PBX1: variants seen among roughly 807,000 people sequenced by gnomAD.
PBX1 encodes pre-B-cell leukemia transcription factor 1.
PBX1 carries 6 observed loss-of-function variants against 53.4 expected under a neutral mutation model. The ratio of observed to expected loss-of-function variants is 0.11; its 90% CI spans 0.06 to 0.22. The LOEUF is 0.22. Ranked by LOEUF, PBX1 falls within the 10% of genes least tolerant of loss-of-function variation. The probability of loss-of-function intolerance (pLI) is 1.00; values close to 1 mark genes in which losing one functional copy is unlikely to be tolerated. For missense variants in PBX1, 251 were observed against 551.4 expected (o/e 0.46, Z 5.46); for synonymous variants, 204 against 212.3 (o/e 0.96, Z 0.34).
At chr1:164,690,739 A>T (rs1662420726) in intron 2 of PBX1, among the ~76,000 whole-genome samples, 1 of 152,144 alleles carries the variant, frequency 6.6e-6, no homozygotes, top group Non-Finnish European at 1.5e-5. Flanking sequence ...AATATTCAGT[A>T]TATGTTAACC....
At chr1:164,658,855 T>G (rs1660324316) in intron 2 of PBX1, among the ~76,000 whole-genome samples, 1 of 152,240 alleles carries the variant, frequency 6.6e-6, no homozygotes, top group Non-Finnish European at 1.5e-5. Context: ...AGGTAGAGGC[T>G]CTTATTATCC....
chr1:164,566,167 G>A (rs925318717), intron 2 of PBX1, among the ~76,000 whole-genome samples: 8 of 152,104 alleles, frequency 5.3e-5, no homozygotes, highest in African/African-American at 9.7e-5. Context: ...ATACACACAT[G>A]CACGTAACAC....
intron 2 of PBX1, among the ~76,000 whole-genome samples, chr1:164,676,444 C>T (rs1269395400): frequency 6.6e-6 from 1 of 152,052 alleles, no homozygotes; most frequent in African/African-American, 2.4e-5. Context: ...AAGGCAAGGC[C>T]GAGAGGCAGG....
chr1:164,732,079 C>T (rs12031116), intron 2 of PBX1, among the ~76,000 whole-genome samples: 9,356 of 152,236 alleles, frequency 0.061, 349 homozygotes, highest in South Asian at 0.19. Flanking sequence ...CCAGCCTTTC[C>T]CAGCAAGTGT....
intron 2 of PBX1, among the ~76,000 whole-genome samples, chr1:164,687,214 T>C (rs538847258): frequency 4.6e-5 from 7 of 152,004 alleles, no homozygotes; most frequent in African/African-American, 1.4e-4. Context: ...CAAAAAGGGG[T>C]TGGCATTTGG....
At chr1:164,597,886 C>G (rs1655880974) in intron 2 of PBX1, among the ~76,000 whole-genome samples, 1 of 152,040 alleles carries the variant, frequency 6.6e-6, no homozygotes, top group Admixed American at 6.5e-5. Context: ...GAGAGTTCCC[C>G]AATTCCTGGG....
chr1:164,742,750 G>A (rs762817154), intron 2 of PBX1, among the ~76,000 whole-genome samples: 1 of 152,028 alleles, frequency 6.6e-6, no homozygotes, highest in African/African-American at 2.4e-5. Context: ...ATTGGAGAGC[G>A]GCTGCTTGAC....
intron 2 of PBX1, among the ~76,000 whole-genome samples, chr1:164,740,291 A>T (rs1029315044): frequency 6.6e-6 from 1 of 152,170 alleles, no homozygotes; most frequent in African/African-American, 2.4e-5. Flanking sequence ...TGAGCCATAT[A>T]CTTGATGCCA....
At chr1:164,698,228 A>G (rs1412871272) in intron 2 of PBX1, among the ~76,000 whole-genome samples, 1 of 152,134 alleles carries the variant, frequency 6.6e-6, no homozygotes, top group Non-Finnish European at 1.5e-5. Flanking sequence ...AGAGGGTGAG[A>G]GCAAGACTCC....
intron 2 of PBX1, among the ~76,000 whole-genome samples, chr1:164,744,081 G>T (rs1001360): frequency 6.6e-6 from 1 of 151,756 alleles, no homozygotes; most frequent in Non-Finnish European, 1.5e-5. Flanking sequence ...CATTTGTCCC[G>T]CAGCACCAGG....
At chr1:164,737,902 A>C (rs375784610) in intron 2 of PBX1, among the ~76,000 whole-genome samples, 244 of 152,096 alleles carry the variant, frequency 1.6e-3, no homozygotes, top group African/African-American at 5.3e-3. Context: ...ACCTCCCCCC[A>C]ACCGGTGCCT....
chr1:164,583,945 T>C (rs1020563029), intron 2 of PBX1, among the ~76,000 whole-genome samples: 7 of 152,126 alleles, frequency 4.6e-5, no homozygotes, highest in Non-Finnish European at 1.0e-4. Flanking sequence ...CCACAATATG[T>C]TCTCAAAGAA....
intron 2 of PBX1, among the ~76,000 whole-genome samples, chr1:164,711,555 G>A (rs1025897322): frequency 2.6e-5 from 4 of 152,198 alleles, no homozygotes; most frequent in South Asian, 2.1e-4. Flanking sequence ...GAGCCACTGC[G>A]CCCGGCTAGT....
chr1:164,650,705 C>G (rs1659752336), intron 2 of PBX1, among the ~76,000 whole-genome samples: 1 of 152,066 alleles, frequency 6.6e-6, no homozygotes, highest in South Asian at 2.1e-4. Flanking sequence ...CCTTGCTCCT[C>G]TAGGTGTGCA....
At chr1:164,821,897 A>G (rs920982751) in intron 8 of PBX1, among the ~76,000 whole-genome samples, 3 of 152,170 alleles carry the variant, frequency 2.0e-5, no homozygotes, top group African/African-American at 4.8e-5. Flanking sequence ...GCGTTCAGCT[A>G]GAGGAGCTGC....
chr1:164,636,407 A>G (rs1036702774), intron 2 of PBX1, among the ~76,000 whole-genome samples: 4 of 152,176 alleles, frequency 2.6e-5, no homozygotes, highest in Non-Finnish European at 2.9e-5. Flanking sequence ...TGGGAAGTGT[A>G]TATTTTTAGT....
At chr1:164,708,711 A>G (rs1663587955) in intron 2 of PBX1, among the ~76,000 whole-genome samples, 1 of 152,228 alleles carries the variant, frequency 6.6e-6, no homozygotes, top group Non-Finnish European at 1.5e-5. Flanking sequence ...GCATCCATCA[A>G]CATATACAAT....
Position 164,581,646 on chromosome 1 carries a change from A to G in PBX1, c.265+18335A>G, listed in dbSNP as rs1037337066. Among the ~76,000 whole-genome samples, 7 of 152,208 alleles carry G rather than the reference A, an allele frequency of 4.6e-5. No homozygotes were observed. The South Asian group carries it at 8.3e-4, about 18-fold the overall frequency. On this transcript the variant is annotated intron_variant, in intron 2 of 8. Coordinates refer to ENST00000420696, the MANE Select transcript of PBX1 (RefSeq NM_002585.4). Reference sequence around the variant, plus strand: ...CCAGGGTGAAGGTGAAGCTGTTCATATCACCCCAGGTCTTTGAAGGGGAAG... The same window carrying G: ...CCAGGGTGAAGGTGAAGCTGTTCATGTCACCCCAGGTCTTTGAAGGGGAAG...
At chr1:164,696,297 A>AG (rs1662796118) in intron 2 of PBX1, among the ~76,000 whole-genome samples, 1 of 152,156 alleles carries the variant, frequency 6.6e-6, no homozygotes, top group Non-Finnish European at 1.5e-5. Flanking sequence ...CCTGGTAACC[A>AG]CCTAGATATG....
Sources: gnomAD v4.1 joint callset for allele counts (sites outside exome capture counted in the v4.1 genomes callset) on GRCh38, gnomAD v4.1.1 for gene constraint, MANE v1.5 for transcripts, NCBI Gene and HGNC (gene_info 2026-07-23, HGNC 2026-07-21) for gene names.